The following SUGCT variants were observed in gnomAD, a reference collection of about 807,000 sequenced individuals.
SUGCT encodes the protein succinyl-CoA:glutarate CoA-transferase.
A neutral mutation model predicts 55.0 loss-of-function variants in SUGCT; 41 were observed. That is an observed-to-expected ratio of 0.74 (90% CI 0.58 to 0.97). The LOEUF is 0.97. SUGCT is among the 50% of genes least tolerant of loss of function. The probability of loss-of-function intolerance (pLI) is 0.00; values close to 1 mark genes in which losing one functional copy is unlikely to be tolerated. For synonymous variants in SUGCT, 187 were observed against 200.4 expected (o/e 0.93, Z 0.56); for missense variants, 568 against 547.8 (o/e 1.04, Z -0.37).
chr7:40,405,817 A>G (rs1478673169), intron 9 of SUGCT, among the ~76,000 whole-genome samples: 1 of 151,522 alleles, frequency 6.6e-6, no homozygotes, highest in Non-Finnish European at 1.5e-5. Context: ...CTAAAAAAAA[A>G]AAAAAAAAAA....
the SUGCT span, among the ~76,000 whole-genome samples, chr7:40,928,450 G>A: frequency 3.3e-5 from 5 of 151,212 alleles, no homozygotes; most frequent in East Asian, 9.7e-4. Flanking sequence ...TTTTTCTATT[G>A]TTTCTTTTTA....
chr7:40,389,442 A>AAAACAAAC (rs67574547), intron 9 of SUGCT, among the ~76,000 whole-genome samples: 13,634 of 107,258 alleles, frequency 0.13, 1,097 homozygotes, highest in East Asian at 0.6. Flanking sequence ...CGCCTGTCTC[A>AAAACAAAC]AAACAAACAA....
At chr7:40,673,989 TAAC>T (rs1243891251) in intron 12 of SUGCT, among the ~76,000 whole-genome samples, 4 of 152,108 alleles carry the variant, frequency 2.6e-5, no homozygotes, top group Non-Finnish European at 4.4e-5. Context: ...ACTACAACAA[TAAC>T]AACAAGAAAA....
intron 7 of SUGCT, among the ~76,000 whole-genome samples, chr7:40,238,453 T>G (rs1159453345): frequency 6.6e-6 from 1 of 152,118 alleles, no homozygotes; most frequent in African/African-American, 2.4e-5. Flanking sequence ...GAAAGCCTAG[T>G]AAATAAAAAT....
intron 8 of SUGCT, among the ~76,000 whole-genome samples, chr7:40,289,229 G>C (rs1209581343): frequency 6.6e-6 from 1 of 152,014 alleles, no homozygotes; most frequent in Admixed American, 6.6e-5. Context: ...AAAAAAAAAG[G>C]TTCTTGTAAG....
chr7:40,874,643 C>A, the SUGCT span, among the ~76,000 whole-genome samples: 12 of 152,106 alleles, frequency 7.9e-5, no homozygotes, highest in African/African-American at 2.7e-4. Flanking sequence ...ACAATATATT[C>A]TCTGTATAAC....
intron 12 of SUGCT, among the ~76,000 whole-genome samples, chr7:40,579,010 A>G (rs1023348501): frequency 4.6e-5 from 7 of 152,236 alleles, no homozygotes; most frequent in Non-Finnish European, 5.9e-5. Flanking sequence ...CAATGTATTG[A>G]GTACCGTGCT....
intron 6 of SUGCT, among the ~76,000 whole-genome samples, chr7:40,199,082 G>T (rs1001469560): frequency 6.6e-6 from 1 of 151,526 alleles, no homozygotes; most frequent in Non-Finnish European, 1.5e-5. Flanking sequence ...TCAGTCTAAA[G>T]TTGCACATGT....
At chr7:40,502,883 T>A (rs1178339898) in intron 12 of SUGCT, among the ~76,000 whole-genome samples, 1 of 152,188 alleles carries the variant, frequency 6.6e-6, no homozygotes, top group East Asian at 1.9e-4. Flanking sequence ...ATCATAGTAT[T>A]TGCTTTGAAG....
intron 13 of SUGCT, among the ~76,000 whole-genome samples, chr7:40,850,591 G>A (rs937634412): frequency 1.3e-5 from 2 of 152,014 alleles, no homozygotes; most frequent in African/African-American, 4.8e-5. Context: ...CCAACCTCCC[G>A]TGCCTCTTTT....
chr7:40,852,513 A>G (rs889749383), intron 13 of SUGCT, among the ~76,000 whole-genome samples: 5 of 151,804 alleles, frequency 3.3e-5, no homozygotes, highest in Non-Finnish European at 5.9e-5. Context: ...TGTCACTACT[A>G]TAGTCTATAC....
At chr7:40,939,541 C>T in the SUGCT span, among the ~76,000 whole-genome samples, 1 of 151,960 alleles carries the variant, frequency 6.6e-6, no homozygotes, top group East Asian at 1.9e-4. Flanking sequence ...ACACCCATGC[C>T]AACATCTGTT....
chr7:40,314,767 T>C (rs1795337757), intron 8 of SUGCT, among the ~76,000 whole-genome samples: 1 of 98,466 alleles, frequency 1.0e-5, no homozygotes, highest in South Asian at 3.5e-4. Flanking sequence ...TTTCTCCATG[T>C]TGGTCAGGCT....
intron 12 of SUGCT, among the ~76,000 whole-genome samples, chr7:40,588,383 T>C (rs1214358324): frequency 6.6e-6 from 1 of 152,164 alleles, no homozygotes; most frequent in Non-Finnish European, 1.5e-5. Flanking sequence ...AGTTTTGTTA[T>C]GTATTCATAA....
At chr7:40,613,605 C>T (rs1292992399) in intron 12 of SUGCT, among the ~76,000 whole-genome samples, 3 of 151,248 alleles carry the variant, frequency 2.0e-5, no homozygotes, top group African/African-American at 7.3e-5. Context: ...CAGTCTTATC[C>T]TGCACCCAAT....
chr7:40,550,507 G>A (rs760678053), intron 12 of SUGCT, among the ~76,000 whole-genome samples: 70 of 152,154 alleles, frequency 4.6e-4, no homozygotes, highest in Non-Finnish European at 8.7e-4. Flanking sequence ...AACTGTTTAT[G>A]CCTGCTTGGG....
rs183876875 is a variant in SUGCT at position 40,724,431 on chromosome 7, C to T, written c.1090-25003C>T. ...ATACAAAAAATTAACGGCGTGGCAG[C>T]GTGCGCCTGTAGTCCCAGCTGCTGG... On this transcript the variant is annotated intron_variant, in intron 12 of 13. Transcript: ENST00000335693. Among the ~76,000 whole-genome samples, 1,358 of 151,992 alleles carry T rather than the reference C, an allele frequency of 8.9e-3. 18 individuals carry two copies. The highest frequency in any genetic ancestry group is 0.031 in the African/African-American group (1,277 of 41,462).
At chr7:40,770,126 A>G (rs986812964) in intron 13 of SUGCT, among the ~76,000 whole-genome samples, 3 of 152,024 alleles carry the variant, frequency 2.0e-5, no homozygotes, top group Non-Finnish European at 4.4e-5. Context: ...GAACTTGTCA[A>G]GTTTCTTGAA....
chr7:40,831,557 T>A (rs12537964), intron 13 of SUGCT, among the ~76,000 whole-genome samples: 32,655 of 152,150 alleles, frequency 0.21, 3,894 homozygotes, highest in East Asian at 0.52. Flanking sequence ...TCAATGATGG[T>A]TAGGGTCTTG....
Sources: allele counts gnomAD v4.1 joint callset (sites outside exome capture counted in the v4.1 genomes callset), GRCh38; gene constraint gnomAD v4.1.1; transcripts MANE v1.5; gene names NCBI Gene and HGNC (gene_info 2026-07-23, HGNC 2026-07-21).